ISG20: variants seen among roughly 807,000 people sequenced by gnomAD.
ISG20 encodes the protein interferon-stimulated gene 20 kDa protein.
Under a neutral mutation model 11.1 loss-of-function variants are expected in ISG20, and 8 were observed. The ratio of observed to expected loss-of-function variants is 0.72; its 90% CI spans 0.42 to 1.30. ISG20 has a LOEUF of 1.30. Among genes scored for constraint, ISG20 ranks in the 50% most tolerant of loss-of-function variants. The pLI, the probability that ISG20 is intolerant of heterozygous loss-of-function variation, is 0.01. For synonymous variants in ISG20, 110 were observed against 101.7 expected (o/e 1.08, Z -0.49); for missense variants, 243 against 250.2 (o/e 0.97, Z 0.19).
intron 2 of ISG20, 129 bp from the exon 3 acceptor site, chr15:88,651,981 G>A: frequency 6.7e-7 from 1 of 1,500,218 alleles, no homozygotes; most frequent in Non-Finnish European, 8.9e-7. Context: ...TACATTTGAA[G>A]CCCAGGGAGG....
intron 3 of ISG20, among the ~76,000 whole-genome samples, chr15:88,653,680 C>T (rs1231610998): frequency 6.6e-6 from 1 of 152,152 alleles, no homozygotes; most frequent in South Asian, 2.1e-4. Context: ...GCAGCTCCTG[C>T]CTGCACTGAT....
intron 2 of ISG20, chr15:88,651,213 A>G: frequency 5.1e-6 from 5 of 985,404 alleles, no homozygotes; most frequent in Non-Finnish European, 6.0e-6. Context: ...CATCAGAGTA[A>G]GCCTGGGCAT....
chr15:88,655,354 T>G, intron 3 of ISG20, 61 bp from the exon 4 acceptor site: 1 of 1,468,974 alleles, frequency 6.8e-7, no homozygotes, highest in Non-Finnish European at 9.5e-7. Flanking sequence ...GGGAAGACCC[T>G]GTCACGGGGC....
At chr15:88,641,795 C>T (rs2058085405) in intron 2 of ISG20, among the ~76,000 whole-genome samples, 1 of 151,958 alleles carries the variant, frequency 6.6e-6, no homozygotes. Context: ...CCACACCCAG[C>T]TAATTTTTGT....
rs1292802604 is a variant in ISG20, at chr15:88,643,561, G to A, written c.228+3967G>A. ...TCTACTGAAAATGCAAAAATTAGCCGGGTGTGGTGGTGGGTGCCTGTAATC... is the reference window on the plus strand; with the variant it reads ...TCTACTGAAAATGCAAAAATTAGCCAGGTGTGGTGGTGGGTGCCTGTAATC... On this transcript the variant is annotated intron_variant, in intron 2 of 3. Transcript: ENST00000306072. This position sits in a 1 kb window ranked among gnomAD's most constrained non-coding sequence, Gnocchi z 4.4. Among the ~76,000 whole-genome samples the A allele has an allele frequency of 3.3e-5, 5 of 152,166 alleles. No individual in the cohort carries two copies. Among genetic ancestry groups the A allele is most frequent in the African/African-American group, 4.8e-5 (2 of 41,514 alleles).
At position 88,643,337 on chromosome 15, in the gene ISG20, TAAATA is replaced by T. The variant is rs2058113701; in HGVS notation, c.228+3747_228+3751del. ...TGATAGTATTTTGGATATGTTAGGT[TAAATA>T]AAACGTTAAAATTAATTTCACCTAT... On this transcript the variant is annotated intron_variant, in intron 2 of 3. Transcript: ENST00000306072. This position sits in a 1 kb window ranked among gnomAD's most constrained non-coding sequence, Gnocchi z 4.4. 6.6e-6 allele frequency among the ~76,000 whole-genome samples: 1 copy of T among 152,214 alleles called. No homozygotes were observed. Among genetic ancestry groups the T allele is most frequent in the South Asian group, 2.1e-4 (1 of 4,828 alleles).
At chr15:88,638,594 A>G (rs2058022792), upstream of ISG20, 1 of 152,322 alleles carries the variant, frequency 6.6e-6, no homozygotes, top group Admixed American at 6.5e-5. Flanking sequence ...TGTATGTCCC[A>G]AGAGCCAGCT....
intron 3 of ISG20, 38 bp from the exon 4 acceptor site, chr15:88,655,377 C>G (rs762278354): frequency 6.3e-7 from 1 of 1,580,362 alleles, no homozygotes; most frequent in Non-Finnish European, 8.7e-7. Context: ...CTGAATTCAG[C>G]CTCATCCCAA....
chr15:88,646,390 G>C (rs1219458542), intron 2 of ISG20, among the ~76,000 whole-genome samples: 1 of 152,200 alleles, frequency 6.6e-6, no homozygotes, highest in African/African-American at 2.4e-5. Flanking sequence ...TCAGATTCTG[G>C]CTCCTGAGCT....
chr15:88,645,069 G>A (rs936770777), intron 2 of ISG20, among the ~76,000 whole-genome samples: 16 of 152,172 alleles, frequency 1.1e-4, no homozygotes, highest in Non-Finnish European at 1.9e-4. Context: ...CGTGTGACAC[G>A]GAACCCTGCT....
At chr15:88,645,240 T>A (rs527342993) in intron 2 of ISG20, among the ~76,000 whole-genome samples, 2 of 152,210 alleles carry the variant, frequency 1.3e-5, no homozygotes, top group East Asian at 3.9e-4. Flanking sequence ...CATTTCCTAA[T>A]CATAAAAGAG....
intron 2 of ISG20, among the ~76,000 whole-genome samples, chr15:88,645,684 C>G (rs545856488): frequency 9.2e-5 from 14 of 152,262 alleles, no homozygotes; most frequent in African/African-American, 3.1e-4. Flanking sequence ...CCTAGTCTCT[C>G]CTATCCCCCA....
intron 2 of ISG20, among the ~76,000 whole-genome samples, chr15:88,641,210 G>A (rs2058075420): frequency 6.6e-6 from 1 of 152,022 alleles, no homozygotes; most frequent in Non-Finnish European, 1.5e-5. Context: ...TGGCCAGGCT[G>A]GTCTCGCTCG....
chr15:88,639,612 CA>C lies in ISG20; in HGVS notation c.228+19del. On this transcript the variant is annotated intron_variant, in intron 2 of 3. Transcript: ENST00000306072. The surrounding 1 kb of genome is among the most constrained non-coding windows in gnomAD (Gnocchi z 4.2). Reference sequence around the variant, plus strand: ...GGCTAGAGGTGAGTGAAGGCCCGGCCAGCAGGGGCTTTGGAAATAACCCCTC... The same window carrying C: ...GGCTAGAGGTGAGTGAAGGCCCGGCCGCAGGGGCTTTGGAAATAACCCCTC... 6.3e-7 allele frequency: 1 copy of C among 1,598,674 alleles called. No homozygotes were observed. Among genetic ancestry groups the C allele is most frequent in the Non-Finnish European group, 8.6e-7 (1 of 1,166,360 alleles).
chr15:88,651,319 G>A (rs1173521032), intron 2 of ISG20: 1 of 981,864 alleles, frequency 1.0e-6, no homozygotes, highest in Non-Finnish European at 1.2e-6. Context: ...CCGTAAGGAA[G>A]CCATCAACTT....
chr15:88,642,854 G>T (rs1462437009), intron 2 of ISG20, among the ~76,000 whole-genome samples: 1 of 152,020 alleles, frequency 6.6e-6, no homozygotes, highest in Non-Finnish European at 1.5e-5. Flanking sequence ...CACCTCAAGT[G>T]ATCCACCCAC....
At chr15:88,638,358 A>T (rs2058018378), upstream of ISG20, among the ~76,000 whole-genome samples, 1 of 152,330 alleles carries the variant, frequency 6.6e-6, no homozygotes, top group Admixed American at 6.5e-5. Flanking sequence ...CTAGCCTGGG[A>T]GAGTGTGGAC....
intron 3 of ISG20, among the ~76,000 whole-genome samples, chr15:88,654,748 C>T (rs2058346321): frequency 6.6e-6 from 1 of 152,144 alleles, no homozygotes; most frequent in African/African-American, 2.4e-5. Flanking sequence ...TAACTTCAGC[C>T]TAGTGCACGG....
At chr15:88,644,102 G>C (rs899821567) in intron 2 of ISG20, among the ~76,000 whole-genome samples, 6 of 152,228 alleles carry the variant, frequency 3.9e-5, no homozygotes, top group Non-Finnish European at 8.8e-5. Flanking sequence ...GTGGAGGAGA[G>C]TCTATGTAGG....
Sources: gnomAD v4.1 joint callset for allele counts (sites outside exome capture counted in the v4.1 genomes callset) on GRCh38, gnomAD v4.1.1 for gene constraint, Gnocchi (gnomAD v3.1) non-coding constraint, MANE v1.5 for transcripts, NCBI Gene and HGNC (gene_info 2026-07-23, HGNC 2026-07-21) for gene names.